The following TLK2 variants were observed in gnomAD, a reference collection of about 807,000 sequenced individuals.
TLK2 encodes serine/threonine-protein kinase tousled-like 2.
TLK2 carries 6 observed loss-of-function variants against 117.3 expected under a neutral mutation model. The ratio of observed to expected loss-of-function variants is 0.05; its 90% confidence interval spans 0.03 to 0.10. TLK2 has a LOEUF of 0.10. Ranked by LOEUF, TLK2 falls within the 10% of genes least tolerant of loss-of-function variation. The pLI, the probability that TLK2 is intolerant of heterozygous loss-of-function variation, is 1.00. For missense variants in TLK2, 299 were observed against 901.2 expected, an observed-to-expected ratio of 0.33 and a Z score of 8.56; for synonymous variants, 257 against 316.7, an observed-to-expected ratio of 0.81 and a Z score of 2.00.
At chr17:62,476,631 C>T (rs1271079445), upstream of TLK2, among the ~76,000 whole-genome samples, 2 of 151,216 alleles carry the variant, frequency 1.3e-5, no homozygotes, top group Non-Finnish European at 2.9e-5. Context: ...TAGCCCAAAT[C>T]CCTCCATCAC....
At chr17:62,589,393 T>A (rs1421389305) in intron 16 of TLK2, among the ~76,000 whole-genome samples, 1 of 152,142 alleles carries the variant, frequency 6.6e-6, no homozygotes, top group Non-Finnish European at 1.5e-5. Context: ...TGTTAACTTA[T>A]AAGAGAGTAA....
At chr17:62,612,164 C>T (rs1360467582) in intron 21 of TLK2, 1 of 433,700 alleles carries the variant, frequency 2.3e-6, no homozygotes, top group Non-Finnish European at 4.1e-6. Flanking sequence ...AATGGCTCAG[C>T]CCTTTCTGTC....
At chr17:62,554,231 A>T (rs2078682403) in intron 9 of TLK2, among the ~76,000 whole-genome samples, 1 of 152,244 alleles carries the variant, frequency 6.6e-6, no homozygotes, top group Non-Finnish European at 1.5e-5. Flanking sequence ...ACTAGAAAAT[A>T]TCAATATATT....
intron 6 of TLK2, among the ~76,000 whole-genome samples, chr17:62,535,377 T>A (rs906595213): frequency 6.6e-6 from 1 of 152,236 alleles, no homozygotes; most frequent in Non-Finnish European, 1.5e-5. Context: ...TTTAGTATAC[T>A]GTGGAACTTG....
At chr17:62,609,080 T>G (rs2083529774) in intron 21 of TLK2, among the ~76,000 whole-genome samples, 1 of 152,088 alleles carries the variant, frequency 6.6e-6, no homozygotes, top group Non-Finnish European at 1.5e-5. Context: ...CAGTTATAAG[T>G]CTTTTGTTGT....
chr17:62,497,534 A>AT (rs1293815112), intron 2 of TLK2, among the ~76,000 whole-genome samples: 1 of 152,062 alleles, frequency 6.6e-6, no homozygotes, highest in Non-Finnish European at 1.5e-5. Context: ...TTTTTCCCCC[A>AT]TTATTAGACT....
chr17:62,549,414 A>T (rs1431978563), intron 7 of TLK2, among the ~76,000 whole-genome samples: 1 of 28,522 alleles, frequency 3.5e-5, no homozygotes, highest in South Asian at 2.1e-3. Flanking sequence ...AAAAAAAAAA[A>T]AAAAAAAAAA....
At chr17:62,600,867 T>G in intron 18 of TLK2, 47 bp downstream of exon 18, 2 of 1,495,928 alleles carry the variant, frequency 1.3e-6, no homozygotes, top group East Asian at 2.3e-5. Flanking sequence ...TTCTTTGGTC[T>G]TATAAGTGAC....
Position 62,505,958 on chromosome 17 carries a change from G to A in TLK2, c.82-14815G>A, listed in dbSNP as rs1240184554. ...TCCTCCTGCCTCGGCCTCCCGAAGT[G>A]CTGGGATTACAGGTGTGAGCCTCCG... On this transcript the variant is annotated intron_variant, in intron 2 of 21. Coordinates refer to ENST00000346027, the MANE Select transcript of TLK2 (RefSeq NM_006852.6). Among the ~76,000 whole-genome samples, 4 of 152,334 alleles carry A rather than the reference G, an allele frequency of 2.6e-5. No individual in the cohort carries two copies. In the East Asian group the frequency reaches 7.7e-4, roughly 29 times the overall value.
intron 2 of TLK2, among the ~76,000 whole-genome samples, chr17:62,506,103 C>G (rs1259735524): frequency 6.6e-6 from 1 of 152,192 alleles, no homozygotes; most frequent in Non-Finnish European, 1.5e-5. Flanking sequence ...TAACAGTTAT[C>G]TAGCTGAGAG....
Position 62,532,927 on chromosome 17 carries a change from A to G in TLK2, c.364-3243A>G, listed in dbSNP as rs571674472. 9.5e-4 allele frequency among the ~76,000 whole-genome samples: 145 copies of G among 152,254 alleles called. 1 individual carries two copies. The highest frequency in any genetic ancestry group is 3.4e-3 in the African/African-American group (143 of 41,550). On this transcript the variant is annotated intron_variant, in intron 6 of 21. Transcript: ENST00000346027. ...AGGTTATTAGCAGTTTGAGAGTACC[A>G]ATTTTTTCACACCCTGCTAATAATA...
intron 17 of TLK2, 95 bp downstream of exon 17, chr17:62,596,769 C>T: frequency 2.0e-6 from 2 of 1,002,674 alleles, no homozygotes; most frequent in East Asian, 2.5e-5. Context: ...CCAGGACATA[C>T]CCTCTGAGGG....
At chr17:62,593,980 A>G (rs1353090389) in intron 16 of TLK2, among the ~76,000 whole-genome samples, 1 of 151,320 alleles carries the variant, frequency 6.6e-6, no homozygotes, top group Non-Finnish European at 1.5e-5. Flanking sequence ...TTTAGTAGAG[A>G]CGCAGTTTCT....
chr17:62,486,859 C>T (rs2072453900), intron 2 of TLK2, among the ~76,000 whole-genome samples: 1 of 152,200 alleles, frequency 6.6e-6, no homozygotes, highest in Non-Finnish European at 1.5e-5. Flanking sequence ...ATTCTCCATT[C>T]TCTCTTTATA....
At chr17:62,558,121 G>A (rs2078995845) in intron 9 of TLK2, among the ~76,000 whole-genome samples, 1 of 151,030 alleles carries the variant, frequency 6.6e-6, no homozygotes, top group Admixed American at 6.6e-5. Flanking sequence ...AAGATGTTGG[G>A]TATGGCTGCA....
chr17:62,580,946 T>G (rs2081171400), intron 15 of TLK2, among the ~76,000 whole-genome samples: 1 of 152,242 alleles, frequency 6.6e-6, no homozygotes, highest in Non-Finnish European at 1.5e-5. Context: ...TAGTTTTCAT[T>G]GCAAATAAAA....
chr17:62,557,990 C>T (rs565673522), intron 9 of TLK2, among the ~76,000 whole-genome samples: 3 of 152,052 alleles, frequency 2.0e-5, no homozygotes, highest in South Asian at 2.1e-4. Flanking sequence ...GGGCAGCTGC[C>T]TTGTTTTTAG....
At chr17:62,565,257 T>C in intron 11 of TLK2, 120 bp downstream of exon 11, 1 of 1,296,978 alleles carries the variant, frequency 7.7e-7, no homozygotes, top group South Asian at 1.5e-5. Flanking sequence ...GTTAGTTTTT[T>C]AGTCACCACA....
At chr17:62,531,002 C>A (rs1048141409) in intron 6 of TLK2, among the ~76,000 whole-genome samples, 3 of 151,994 alleles carry the variant, frequency 2.0e-5, no homozygotes, top group African/African-American at 7.2e-5. Flanking sequence ...TTGAAGGTAT[C>A]TGCTTTTTTT....
Sources: gnomAD v4.1 joint callset for allele counts (sites outside exome capture counted in the v4.1 genomes callset) on GRCh38, gnomAD v4.1.1 for gene constraint, MANE v1.5 for transcripts, NCBI Gene and HGNC (gene_info 2026-07-23, HGNC 2026-07-21) for gene names.